Variants in ERICH3 observed in about 807,000 individuals in gnomAD.
The protein encoded by ERICH3 is glutamate rich 3, also known as glutamate-rich protein 3.
ERICH3 carries 126 observed loss-of-function variants against 131.1 expected under a neutral mutation model. That is an observed-to-expected ratio of 0.96 (90% CI 0.83 to 1.11). ERICH3 has a LOEUF of 1.11. ERICH3 is among the 50% of genes most tolerant of loss of function. The pLI is 0.00. For missense variants in ERICH3, 2,050 were observed against 1,810.7 expected (o/e 1.13, Z -2.40); for synonymous variants, 695 against 644.6 (o/e 1.08, Z -1.18).
chr1:74,572,641 G>A lies in ERICH3; in HGVS notation c.3069C>T (p.Phe1023=), dbSNP rs186600924. The change falls in exon 14 of 15, where the codon TTC becomes TTT. Residue 1023 remains phenylalanine, a synonymous_variant. Transcript: ENST00000326665. ...CCCCTTCCACATCTTCCTTGCAAAG[G>A]AAGGCTTCCTTTGCAAGGCTTCCTT... ...PEEGSLAKEA[F]LCKEDVEGEE... The A allele has an allele frequency of 3.0e-5, 49 of 1,613,720 alleles. No homozygotes were observed. In the East Asian group the frequency reaches 9.4e-4, roughly 31 times the overall value.
chr1:74,594,174 A>G (rs1488304744), intron 11 of ERICH3, among the ~76,000 whole-genome samples: 1 of 152,124 alleles, frequency 6.6e-6, no homozygotes, highest in Non-Finnish European at 1.5e-5. Flanking sequence ...TAGTTTATTT[A>G]TAACATTTAT....
intron 11 of ERICH3, among the ~76,000 whole-genome samples, chr1:74,596,775 C>A (rs534054864): frequency 6.6e-6 from 1 of 152,170 alleles, no homozygotes; most frequent in South Asian, 2.1e-4. Flanking sequence ...AGGAAGCTGT[C>A]GTTCTTTTTA....
At chr1:74,659,195 T>C (rs1309055476) in intron 1 of ERICH3, among the ~76,000 whole-genome samples, 1 of 152,008 alleles carries the variant, frequency 6.6e-6, no homozygotes, top group Non-Finnish European at 1.5e-5. Context: ...TACAAGAGGA[T>C]TGCTCCAGGA....
In ERICH3 at chr1:74,571,369, C is replaced by A. The variant is rs371616918; in HGVS notation, c.4341G>T (p.Glu1447Asp). 2 of 1,613,914 alleles carry A rather than the reference C, an allele frequency of 1.2e-6. No individual in the cohort carries two copies. Among genetic ancestry groups the A allele is most frequent in the Middle Eastern group, 1.6e-4 (1 of 6,082 alleles). The stretch of plus-strand genomic sequence containing the variant: ...CCTGGCCCTCTGACCCTTCCTCTTG[C>A]TCCTGTCCTAGCCCTGAGGTCTTCC... ...LERKTSGLGQ[E>D]QEEGSEGQEA... The change falls in exon 14 of 15, where the codon GAG becomes GAT. Residue 1447 changes from glutamate (E) to aspartate (D), a missense_variant. Glu to Asp is a conservative substitution (Grantham distance 45, BLOSUM62 2). Transcript: ENST00000326665.
intron 12 of ERICH3, among the ~76,000 whole-genome samples, chr1:74,588,865 T>C (rs887303578): frequency 5.9e-5 from 9 of 152,146 alleles, no homozygotes; most frequent in African/African-American, 2.2e-4. Flanking sequence ...AAATGAACAA[T>C]CTTACACACC....
intron 12 of ERICH3, chr1:74,579,379 A>T: frequency 1.0e-6 from 1 of 984,712 alleles, no homozygotes; most frequent in Non-Finnish European, 1.2e-6. Flanking sequence ...AACAATACTA[A>T]CATCATCTGA....
intron 11 of ERICH3, among the ~76,000 whole-genome samples, chr1:74,593,664 A>G (rs1039022798): frequency 3.3e-5 from 5 of 152,106 alleles, no homozygotes; most frequent in Non-Finnish European, 5.9e-5. Flanking sequence ...GATAAAACCA[A>G]TCATGATTAT....
chr1:74,633,339 T>C (rs1646358893), intron 6 of ERICH3, among the ~76,000 whole-genome samples: 1 of 151,862 alleles, frequency 6.6e-6, no homozygotes, highest in Non-Finnish European at 1.5e-5. Context: ...AAGCTCTAAT[T>C]TTTCTTTTCT....
At chr1:74,601,376 G>T (rs1008914751) in intron 10 of ERICH3, among the ~76,000 whole-genome samples, 1 of 151,750 alleles carries the variant, frequency 6.6e-6, no homozygotes, top group Non-Finnish European at 1.5e-5. Flanking sequence ...GACAATCCCG[G>T]CCATGAAAGA....
intron 5 of ERICH3, among the ~76,000 whole-genome samples, chr1:74,639,614 A>G (rs921386511): frequency 6.6e-6 from 1 of 152,204 alleles, no homozygotes; most frequent in Non-Finnish European, 1.5e-5. Flanking sequence ...TTAGCTGAGC[A>G]TTTCTAATTC....
At chr1:74,595,407 T>G (rs957907391) in intron 11 of ERICH3, among the ~76,000 whole-genome samples, 4 of 152,086 alleles carry the variant, frequency 2.6e-5, no homozygotes, top group Admixed American at 2.6e-4. Flanking sequence ...GTTATTATTA[T>G]CAGATGAAAT....
Position 74,571,925 on chromosome 1 carries a change from C to T in ERICH3, c.3785G>A (p.Gly1262Glu), listed in dbSNP as rs1368744604. 2 of 1,613,196 alleles carry T rather than the reference C, an allele frequency of 1.2e-6. No homozygotes were observed. Among genetic ancestry groups the T allele is most frequent in the Non-Finnish European group, 1.7e-6 (2 of 1,180,040 alleles). Residue 1262 changes from glycine to glutamate, a missense_variant, in exon 14 of 15, where the codon GGA (glycine) becomes GAA (glutamate). By Grantham distance (98) the Gly-to-Glu change is moderately conservative. Coordinates refer to ENST00000326665, the MANE Select transcript of ERICH3 (RefSeq NM_001002912.5). Reference sequence around the variant, plus strand: ...GGTCCTTAGCACGACATCCACTCCTCCTTGCCCTTCAGCTCTCCCCTCCAG... The same window carrying T: ...GGTCCTTAGCACGACATCCACTCCTTCTTGCCCTTCAGCTCTCCCCTCCAG... The part of the protein sequence containing the change: ...AGLEGRAEGQ[G>E]GVDVVLRTQE...
chr1:74,670,953 A>C (rs1646736845), intron 1 of ERICH3, among the ~76,000 whole-genome samples: 1 of 152,122 alleles, frequency 6.6e-6, no homozygotes, highest in Non-Finnish European at 1.5e-5. Flanking sequence ...TGTCTGTCTT[A>C]TGCGGTTGAG....
At chr1:74,643,396 T>C (rs1363628909) in intron 3 of ERICH3, among the ~76,000 whole-genome samples, 1 of 152,114 alleles carries the variant, frequency 6.6e-6, no homozygotes, top group Non-Finnish European at 1.5e-5. Flanking sequence ...TGCACAAAGA[T>C]GCTATCTGAA....
At chr1:74,636,518 G>A in intron 5 of ERICH3, 80 bp from the exon 6 acceptor site, 2 of 1,359,878 alleles carry the variant, frequency 1.5e-6, no homozygotes, top group Non-Finnish European at 2.0e-6. Flanking sequence ...CCAATAAATT[G>A]CCTAGAGTAA....
chr1:74,624,346 G>C (rs1649342643), intron 7 of ERICH3: 2 of 152,210 alleles, frequency 1.3e-5, no homozygotes, highest in African/African-American at 2.4e-5. Context: ...TGGCCCTAGA[G>C]AGAGAAAGTC....
At chr1:74,672,666 G>A (rs2100665149) in intron 1 of ERICH3, among the ~76,000 whole-genome samples, 1 of 152,184 alleles carries the variant, frequency 6.6e-6, no homozygotes, top group Admixed American at 6.5e-5. Context: ...TTGCAAGATT[G>A]ACTAGGATAT....
intron 1 of ERICH3, among the ~76,000 whole-genome samples, chr1:74,659,604 A>G (rs897236236): frequency 1.3e-5 from 2 of 152,200 alleles, no homozygotes; most frequent in African/African-American, 4.8e-5. Context: ...GTACAATCCA[A>G]CCAATGAAAG....
At chr1:74,613,466 T>C (rs1296982393) in intron 8 of ERICH3, among the ~76,000 whole-genome samples, 11 of 152,212 alleles carry the variant, frequency 7.2e-5, no homozygotes, top group Admixed American at 7.2e-4. Flanking sequence ...CATGCCTCTA[T>C]CTTGCTATGC....
Sources: allele counts gnomAD v4.1 joint callset (sites outside exome capture counted in the v4.1 genomes callset), GRCh38; gene constraint gnomAD v4.1.1; transcripts MANE v1.5; gene names NCBI Gene and HGNC (gene_info 2026-07-23, HGNC 2026-07-21).